Variants in GSE1 observed in about 807,000 individuals in gnomAD.
GSE1 encodes the protein Gse1 coiled-coil protein.
A neutral mutation model predicts 112.6 loss-of-function variants in GSE1; 32 were observed. The ratio of observed to expected loss-of-function variants is 0.28; its 90% CI spans 0.21 to 0.38. The LOEUF (loss-of-function observed/expected upper bound fraction) is 0.38. GSE1 is among the 10% of genes least tolerant of loss of function. The probability of loss-of-function intolerance (pLI) is 1.00; values close to 1 mark genes in which losing one functional copy is unlikely to be tolerated. For missense variants in GSE1, 2,348 were observed against 1,699.2 expected (o/e 1.38, Z -6.71); for synonymous variants, 1,115 against 735.6 (o/e 1.52, Z -8.35).
At chr16:85,350,795 G>C (rs572687075) in intron 1 of GSE1, among the ~76,000 whole-genome samples, 1 of 152,132 alleles carries the variant, frequency 6.6e-6, no homozygotes, top group Admixed American at 6.5e-5. Context: ...TTTTTTCTTC[G>C]AGACGGACTC....
At chr16:85,220,622 C>T (rs2075374171) in intron 1 of GSE1, among the ~76,000 whole-genome samples, 1 of 89,206 alleles carries the variant, frequency 1.1e-5, no homozygotes, top group African/African-American at 3.7e-5. Context: ...CGGGCCTGCC[C>T]GCTGCTGCCC....
At chr16:85,398,874 C>T (rs549097264) in intron 2 of GSE1, among the ~76,000 whole-genome samples, 187 of 152,028 alleles carry the variant, frequency 1.2e-3, no homozygotes, top group African/African-American at 4.2e-3. Context: ...ATGTCGAGTG[C>T]GCACCGACAT....
intron 1 of GSE1, among the ~76,000 whole-genome samples, chr16:85,353,141 G>C (rs150598760): frequency 9.1e-4 from 138 of 152,330 alleles, no homozygotes; most frequent in African/African-American, 3.2e-3. Flanking sequence ...CGCAGTCTCA[G>C]ATGGAGGCTC....
chr16:85,191,040 C>T (rs2074809006), intron 1 of GSE1, among the ~76,000 whole-genome samples: 1 of 152,232 alleles, frequency 6.6e-6, no homozygotes, highest in Non-Finnish European at 1.5e-5. Flanking sequence ...AGGTGGATCG[C>T]TTTAGGCCAT....
In GSE1 at chr16:85,383,440, C is replaced by T. The variant is rs1023612736; in HGVS notation, c.2464+25797C>T. Among the ~76,000 whole-genome samples, 10 of 152,182 alleles carry T rather than the reference C, an allele frequency of 6.6e-5. No individual in the cohort carries two copies. The East Asian group carries it at 7.7e-4, about 12-fold the overall frequency. On this transcript the variant is annotated intron_variant, in intron 2 of 2. Transcript: ENST00000637419. ...CACAGCCTCTGTACATAGATACGCA[C>T]GCATTCACATGTACACACAGTCTGT...
chr16:85,552,031 T>C (rs957106109), upstream of GSE1, among the ~76,000 whole-genome samples: 15 of 151,908 alleles, frequency 9.9e-5, no homozygotes, highest in Admixed American at 5.2e-4. Flanking sequence ...TTCTTTCTTT[T>C]TTTTTTTTCT....
chr16:85,358,353 C>G (rs921922016), intron 2 of GSE1, among the ~76,000 whole-genome samples: 1 of 152,174 alleles, frequency 6.6e-6, no homozygotes, highest in Admixed American at 6.5e-5. Flanking sequence ...TTTTTATGGC[C>G]TCATCCTGAA....
At chr16:85,328,389 C>T (rs564358087) in intron 1 of GSE1, among the ~76,000 whole-genome samples, 3 of 152,334 alleles carry the variant, frequency 2.0e-5, no homozygotes, top group Admixed American at 6.5e-5. Context: ...CAGGAAGAGC[C>T]GGCTGAGCCA....
At chr16:85,245,016 T>C (rs1167788704) in intron 1 of GSE1, among the ~76,000 whole-genome samples, 2 of 147,534 alleles carry the variant, frequency 1.4e-5, no homozygotes, top group African/African-American at 5.0e-5. Context: ...AAATTTTTTT[T>C]CCGAGTGTGG....
rs145832070 is a variant in GSE1 at position 85,454,970 on chromosome 16, G to A, written c.2464+97327G>A. Among the ~76,000 whole-genome samples the A allele has an allele frequency of 3.9e-3, 596 of 152,290 alleles. 3 individuals carry two copies. The highest frequency in any genetic ancestry group is 0.013 in the African/African-American group (555 of 41,558). ...GTGAGGGTATGGACAGATCTTTCTG[G>A]AGAGCCGTAACTCAACCTCCTGGGT... On this transcript the variant is annotated intron_variant, in intron 2 of 2. Transcript: ENST00000637419.
At chr16:85,555,396 G>T (rs369205706), upstream of GSE1, 2 of 984,130 alleles carry the variant, frequency 2.0e-6, no homozygotes, top group South Asian at 4.7e-5. Context: ...ACCAAAAAAG[G>T]GGGGGGAGGG....
intron 1 of GSE1, among the ~76,000 whole-genome samples, chr16:85,211,299 GTTTTTTTTTTT>G (rs1048513670): frequency 6.9e-6 from 1 of 144,108 alleles, no homozygotes; most frequent in Non-Finnish European, 1.5e-5. Flanking sequence ...CAGGCTTGTG[GTTTTTTTTTTT>G]TGTTTTTTTT....
intron 2 of GSE1, among the ~76,000 whole-genome samples, chr16:85,361,441 A>T (rs1433070386): frequency 6.6e-6 from 1 of 151,112 alleles, no homozygotes; most frequent in African/African-American, 2.4e-5. Flanking sequence ...GCCCATCCCC[A>T]CCACAGCCCC....
At chr16:85,576,449 T>G (rs932422490) in intron 1 of GSE1, among the ~76,000 whole-genome samples, 1 of 152,218 alleles carries the variant, frequency 6.6e-6, no homozygotes, top group Non-Finnish European at 1.5e-5. Flanking sequence ...TCCACACTTT[T>G]GGAGCCTAGA....
At chr16:85,203,905 T>G (rs1388630060) in intron 1 of GSE1, among the ~76,000 whole-genome samples, 1 of 152,112 alleles carries the variant, frequency 6.6e-6, no homozygotes, top group Non-Finnish European at 1.5e-5. Context: ...GACCCGCTGA[T>G]TTTTATTATT....
chr16:85,249,523 C>G (rs537869301), intron 1 of GSE1, among the ~76,000 whole-genome samples: 1 of 152,186 alleles, frequency 6.6e-6, no homozygotes, highest in Non-Finnish European at 1.5e-5. Context: ...GGGCGCGCCT[C>G]TCTCCAAAGG....
chr16:85,366,409 A>T (rs1395362200), intron 2 of GSE1, among the ~76,000 whole-genome samples: 4 of 152,168 alleles, frequency 2.6e-5, no homozygotes, highest in Non-Finnish European at 4.4e-5. Context: ...CTGAGCTGGG[A>T]TCCATAGTCT....
chr16:85,328,369 G>T (rs1005593495), intron 1 of GSE1, among the ~76,000 whole-genome samples: 1 of 152,194 alleles, frequency 6.6e-6, no homozygotes, highest in Non-Finnish European at 1.5e-5. Flanking sequence ...CCTCAGAGGC[G>T]TCGGGGCTGC....
At chr16:85,590,222 C>A (rs534083477) in intron 1 of GSE1, among the ~76,000 whole-genome samples, 1 of 151,544 alleles carries the variant, frequency 6.6e-6, no homozygotes, top group South Asian at 2.1e-4. Context: ...ACATGTGTGA[C>A]CTTGTGTGCG....
Sources: gnomAD v4.1 joint callset for allele counts (sites outside exome capture counted in the v4.1 genomes callset) on GRCh38, gnomAD v4.1.1 for gene constraint, MANE v1.5 for transcripts, NCBI Gene and HGNC (gene_info 2026-07-23, HGNC 2026-07-21) for gene names.